The following ANO3 variants were observed in gnomAD, a reference collection of about 807,000 sequenced individuals.
ANO3 encodes the protein anoctamin 3, also known as anoctamin-3.
ANO3 carries 99 observed loss-of-function variants against 144.8 expected under a neutral mutation model. That is an observed-to-expected ratio of 0.68 (90% CI 0.58 to 0.81). The LOEUF is 0.81. Among genes scored for constraint, ANO3 ranks in the 30% least tolerant of loss-of-function variants. The pLI is 0.00. For synonymous variants in ANO3, 414 were observed against 392.6 expected, an observed-to-expected ratio of 1.05 and a Z score of -0.64; for missense variants, 905 against 1,202.2, an observed-to-expected ratio of 0.75 and a Z score of 3.66.
chr11:26,651,565 A>T (rs77824743), intron 24 of ANO3, among the ~76,000 whole-genome samples: 113 of 152,300 alleles, frequency 7.4e-4, no homozygotes, highest in African/African-American at 2.7e-3. Context: ...TTTGGAAAAT[A>T]TAGGTATTTT....
chr11:26,598,817 T>G, intron 15 of ANO3, 41 bp from the exon 16 acceptor site: 2 of 1,594,352 alleles, frequency 1.3e-6, no homozygotes, highest in African/African-American at 2.7e-5. Context: ...TTTTTTTAGT[T>G]TATGGCTTTG....
intron 1 of ANO3, among the ~76,000 whole-genome samples, chr11:26,323,175 T>C (rs1341661340): frequency 6.6e-6 from 1 of 152,124 alleles, no homozygotes; most frequent in East Asian, 1.9e-4. Context: ...TCCCCTGCCC[T>C]AGACCTGAAA....
intron 11 of ANO3, among the ~76,000 whole-genome samples, chr11:26,546,787 A>C (rs1849800716): frequency 1.3e-5 from 2 of 152,128 alleles, no homozygotes; most frequent in South Asian, 2.1e-4. Context: ...GTGAAGCAAC[A>C]CACAGCTCTA....
intron 24 of ANO3, among the ~76,000 whole-genome samples, chr11:26,650,814 T>C (rs923687158): frequency 3.9e-5 from 6 of 152,182 alleles, no homozygotes; most frequent in Non-Finnish European, 8.8e-5. Context: ...AAAATACTCA[T>C]GTGATCGTTG....
chr11:26,464,266 C>T (rs1243515959), intron 4 of ANO3, among the ~76,000 whole-genome samples: 4 of 151,896 alleles, frequency 2.6e-5, no homozygotes, highest in African/African-American at 9.6e-5. Context: ...ATTAAGTTAT[C>T]TTTGCAAATC....
intron 1 of ANO3, among the ~76,000 whole-genome samples, chr11:26,249,846 C>T (rs1459399171): frequency 6.6e-6 from 1 of 152,120 alleles, no homozygotes; most frequent in Non-Finnish European, 1.5e-5. Context: ...ACACCAGTGA[C>T]GTTGTTTTTC....
chr11:26,362,425 C>A (rs1855952092), intron 1 of ANO3, among the ~76,000 whole-genome samples: 1 of 152,102 alleles, frequency 6.6e-6, no homozygotes, highest in Non-Finnish European at 1.5e-5. Flanking sequence ...ACCCTGAAAT[C>A]CCTTTTGTTC....
chr11:26,532,545 G>A (rs114961420), intron 8 of ANO3, among the ~76,000 whole-genome samples: 1,694 of 151,836 alleles, frequency 0.011, 32 homozygotes, highest in African/African-American at 0.038. Context: ...TACTATGTGG[G>A]CATAGATGCC....
At chr11:26,417,486 T>C (rs543987095) in intron 1 of ANO3, among the ~76,000 whole-genome samples, 4 of 152,088 alleles carry the variant, frequency 2.6e-5, no homozygotes, top group African/African-American at 7.2e-5. Context: ...GCACAGGAAA[T>C]AATTCAAGAG....
chr11:26,525,247 G>A (rs1849131846), intron 6 of ANO3, among the ~76,000 whole-genome samples: 2 of 152,032 alleles, frequency 1.3e-5, no homozygotes, highest in South Asian at 4.1e-4. Flanking sequence ...CGTATTAAAT[G>A]GATGTATAGA....
At chr11:26,419,526 C>T (rs1442839886) in intron 1 of ANO3, among the ~76,000 whole-genome samples, 1 of 147,680 alleles carries the variant, frequency 6.8e-6, no homozygotes, top group Non-Finnish European at 1.5e-5. Flanking sequence ...GGATTTTTTT[C>T]AGTCTTTAAT....
At chr11:26,368,629 CAG>C (rs1213348121) in intron 1 of ANO3, among the ~76,000 whole-genome samples, 1 of 151,348 alleles carries the variant, frequency 6.6e-6, no homozygotes, top group East Asian at 1.9e-4. Context: ...GACAGAGAGA[CAG>C]AGGAAGAGAG....
intron 17 of ANO3, among the ~76,000 whole-genome samples, chr11:26,609,898 G>A (rs559551180): frequency 2.6e-5 from 4 of 152,108 alleles, no homozygotes; most frequent in African/African-American, 9.6e-5. Flanking sequence ...CCTAGCCAAC[G>A]CTAGTTTACT....
chr11:26,394,868 G>A (rs140871346), intron 1 of ANO3, among the ~76,000 whole-genome samples: 98 of 152,158 alleles, frequency 6.4e-4, no homozygotes, highest in African/African-American at 2.2e-3. Flanking sequence ...GAGCCATAGC[G>A]ACTGGCCCTG....
chr11:26,306,811 G>C (rs1247317711), upstream of ANO3, among the ~76,000 whole-genome samples: 1 of 152,186 alleles, frequency 6.6e-6, no homozygotes, highest in Admixed American at 6.5e-5. Flanking sequence ...GGTCTCCTAA[G>C]TATGAAATAT....
intron 7 of ANO3, among the ~76,000 whole-genome samples, chr11:26,526,319 C>A (rs1315902462): frequency 6.6e-6 from 1 of 152,116 alleles, no homozygotes; most frequent in African/African-American, 2.4e-5. Context: ...CCATCTGAAT[C>A]TTTTTGTCAC....
intron 1 of ANO3, among the ~76,000 whole-genome samples, chr11:26,338,387 A>T (rs1393065079): frequency 6.6e-6 from 1 of 152,188 alleles, no homozygotes; most frequent in Admixed American, 6.5e-5. Context: ...AAGGATTATA[A>T]ACGCAGCAAT....
intron 1 of ANO3, among the ~76,000 whole-genome samples, chr11:26,230,725 A>G (rs1019754467): frequency 5.9e-4 from 85 of 143,654 alleles, no homozygotes; most frequent in African/African-American, 2.0e-3. Flanking sequence ...TGAACTCAGA[A>G]GACAGAGGTT....
chr11:26,398,033 T>TAAA (rs1293831333), intron 1 of ANO3, among the ~76,000 whole-genome samples: 4 of 151,726 alleles, frequency 2.6e-5, no homozygotes, highest in Non-Finnish European at 5.9e-5. Flanking sequence ...TCCTTGGAAA[T>TAAA]AAAAGTGCTA....
Sources: allele counts gnomAD v4.1 joint callset (sites outside exome capture counted in the v4.1 genomes callset), GRCh38; gene constraint gnomAD v4.1.1; transcripts MANE v1.5; gene names NCBI Gene and HGNC (gene_info 2026-07-23, HGNC 2026-07-21).